The following LDHAL6A variants were observed in gnomAD, a reference collection of about 807,000 sequenced individuals.
LDHAL6A encodes L-lactate dehydrogenase A-like 6A.
LDHAL6A carries 19 observed loss-of-function variants against 28.2 expected under a neutral mutation model. The observed-to-expected ratio is 0.67, with a 90% CI of 0.47 to 0.99. The LOEUF is 0.99. Among genes scored for constraint, LDHAL6A ranks in the 50% least tolerant of loss-of-function variants. LDHAL6A has a pLI of 0.00. For synonymous variants in LDHAL6A, 144 were observed against 134.4 expected (o/e 1.07, Z -0.49); for missense variants, 372 against 398.6 (o/e 0.93, Z 0.57).
chr11:18,456,885 C>T (rs1484142374), intron 1 of LDHAL6A, 79 bp downstream of exon 1: 1 of 1,471,952 alleles, frequency 6.8e-7, no homozygotes, highest in Non-Finnish European at 9.1e-7. Context: ...AGGTTGTGTC[C>T]AGTTCAAGGT....
At chr11:18,458,734 T>G (rs1790929549) in intron 1 of LDHAL6A, among the ~76,000 whole-genome samples, 1 of 152,178 alleles carries the variant, frequency 6.6e-6, no homozygotes, top group Non-Finnish European at 1.5e-5. Context: ...TAAAAATTAC[T>G]GAGTTTTACC....
At chr11:18,476,346 C>T in intron 4 of LDHAL6A, 38 bp from the exon 5 acceptor site, 1 of 1,599,012 alleles carries the variant, frequency 6.3e-7, no homozygotes, top group Non-Finnish European at 8.5e-7. Context: ...CCTGCTAATA[C>T]CATGTAAGAA....
chr11:18,476,668 A>G lies in LDHAL6A; in HGVS notation c.710+167A>G, dbSNP rs868299352. ...TTCACCAGATTATAAATTCTTCAAC[A>G]GTCAGGAACTGATTCTGTGTTGCTT... On this transcript the variant is annotated intron_variant, in intron 5 of 6. Transcript: ENST00000280706. The G allele has an allele frequency of 6.9e-5, 65 of 946,874 alleles. No individual in the cohort carries two copies. The African/African-American group carries it at 1.1e-3, about 16-fold the overall frequency. The allele number at this position is 946,874 out of a possible 1,614,324, so 58.7% of individuals were successfully genotyped here.
chr11:18,472,316 A>T (rs1371260515), intron 3 of LDHAL6A, among the ~76,000 whole-genome samples: 1 of 152,236 alleles, frequency 6.6e-6, no homozygotes, highest in East Asian at 1.9e-4. Context: ...CTCAGGTATT[A>T]GAATGAATGC....
chr11:18,471,750 C>A (rs1381362667), intron 3 of LDHAL6A, among the ~76,000 whole-genome samples: 4 of 142,796 alleles, frequency 2.8e-5, no homozygotes, highest in Non-Finnish European at 6.0e-5. Flanking sequence ...AATGGTGAAA[C>A]CCTGTCTCTA....
At chr11:18,464,665 A>G (rs1337934693) in intron 2 of LDHAL6A, among the ~76,000 whole-genome samples, 1 of 151,972 alleles carries the variant, frequency 6.6e-6, no homozygotes, top group East Asian at 1.9e-4. Context: ...TGGTGAGCCA[A>G]GATCGTGCCA....
At chr11:18,475,765 G>A (rs893132894) in intron 4 of LDHAL6A, 126 bp downstream of exon 4, 56 of 679,504 alleles carry the variant, frequency 8.2e-5, no homozygotes, top group Admixed American at 3.0e-4. Context: ...TTTTAGTAGC[G>A]TTTAATTTTT....
At chr11:18,477,218 G>A (rs1420108337) in intron 5 of LDHAL6A, among the ~76,000 whole-genome samples, 2 of 151,482 alleles carry the variant, frequency 1.3e-5, no homozygotes, top group Non-Finnish European at 2.9e-5. Flanking sequence ...CAGCACTTTG[G>A]GAGACCAGGG....
At chr11:18,469,993 A>C (rs543480464) in intron 3 of LDHAL6A, among the ~76,000 whole-genome samples, 1 of 152,276 alleles carries the variant, frequency 6.6e-6, no homozygotes, top group African/African-American at 2.4e-5. Context: ...CAGTGATGCA[A>C]TATCGGCTCA....
intron 1 of LDHAL6A, among the ~76,000 whole-genome samples, chr11:18,462,660 A>T (rs1590248029): frequency 7.1e-6 from 1 of 140,362 alleles, no homozygotes; most frequent in Admixed American, 7.4e-5. Context: ...ACAAACAAAA[A>T]AAAAAACAAA....
chr11:18,464,715 CA>C (rs11367641), intron 2 of LDHAL6A, among the ~76,000 whole-genome samples: 13,828 of 122,996 alleles, frequency 0.11, 687 homozygotes, highest in Admixed American at 0.16. Flanking sequence ...AACTCTGTCT[CA>C]AAAAAAAAAA....
Position 18,479,126 on chromosome 11 carries a change from C to A in LDHAL6A, c.*256C>A, listed in dbSNP as rs1849473284. ...CCGAGCTCAGGTGAGCCTCCCACTTCAGCCTCCAGAGTAGGTGGGACCACA... is the reference window on the plus strand; with the variant it reads ...CCGAGCTCAGGTGAGCCTCCCACTTAAGCCTCCAGAGTAGGTGGGACCACA... On this transcript the variant is annotated 3_prime_UTR_variant, in exon 7 of 7. Transcript: ENST00000280706. The A allele has an allele frequency of 3.2e-6, 1 of 313,862 alleles. No individual in the cohort carries two copies. 19.4% of individuals were successfully genotyped at this position (313,862 alleles called of 1,614,324 possible).
chr11:18,467,878 CACATATATATATATATAT>C (rs1393949016), intron 3 of LDHAL6A, among the ~76,000 whole-genome samples: 2 of 36,310 alleles, frequency 5.5e-5, no homozygotes, highest in Admixed American at 3.9e-4. Flanking sequence ...TATATATACA[CACATATATATATATATAT>C]ATATATATAT....
intron 3 of LDHAL6A, among the ~76,000 whole-genome samples, chr11:18,474,529 G>A (rs1454925407): frequency 6.6e-6 from 1 of 152,098 alleles, no homozygotes; most frequent in East Asian, 1.9e-4. Context: ...TGGGACTACA[G>A]GCGCGCACCA....
chr11:18,474,034 C>A (rs1326204918), intron 3 of LDHAL6A, among the ~76,000 whole-genome samples: 3 of 152,026 alleles, frequency 2.0e-5, no homozygotes, highest in Non-Finnish European at 2.9e-5. Flanking sequence ...ATTGAACCAC[C>A]TTTGCATTTC....
chr11:18,471,317 C>G (rs1017613679), intron 3 of LDHAL6A, among the ~76,000 whole-genome samples: 15 of 150,376 alleles, frequency 1.0e-4, no homozygotes, highest in African/African-American at 3.7e-4. Flanking sequence ...TCAAGTGATT[C>G]TCGTGCCTCA....
rs1308903796 is a variant in LDHAL6A at position 18,467,964 on chromosome 11, T to C, written c.418+2154T>C. Among the ~76,000 whole-genome samples, 56 of 19,558 alleles carry C rather than the reference T, an allele frequency of 2.9e-3. 2 individuals carry two copies. The highest frequency in any genetic ancestry group is 4.4e-3 in the Non-Finnish European group (35 of 8,034). 12.8% of individuals were successfully genotyped at this position (19,558 alleles called of 152,430 possible). A position where few individuals can be genotyped will look rare whatever the true frequency, so the allele number is the denominator to read the frequency against. On this transcript the variant is annotated intron_variant, in intron 3 of 6. Coordinates refer to ENST00000280706, the MANE Select transcript of LDHAL6A (RefSeq NM_144972.5). Reference sequence around the variant, plus strand: ...ACACACATATATATATACGTATATATATACGTATATATATACGTATATATA... The same window carrying C: ...ACACACATATATATATACGTATATACATACGTATATATATACGTATATATA...
chr11:18,477,452 T>TA (rs112745078), intron 5 of LDHAL6A, among the ~76,000 whole-genome samples, 168 bp from the exon 6 acceptor site: 17,663 of 144,278 alleles, frequency 0.12, 1,194 homozygotes, highest in South Asian at 0.25. Context: ...GAGCAAGACT[T>TA]AAAAAAAAAA....
intron 1 of LDHAL6A, among the ~76,000 whole-genome samples, chr11:18,458,819 G>A (rs1848824034): frequency 6.6e-6 from 1 of 152,180 alleles, no homozygotes. Flanking sequence ...ATCTAGAAGA[G>A]TGCCTCCTGT....
Sources: allele counts gnomAD v4.1 joint callset (sites outside exome capture counted in the v4.1 genomes callset), GRCh38; gene constraint gnomAD v4.1.1; transcripts MANE v1.5; gene names NCBI Gene and HGNC (gene_info 2026-07-23, HGNC 2026-07-21).